The following VRK1 variants were observed in gnomAD, a reference collection of about 807,000 sequenced individuals.
VRK1 encodes VRK serine/threonine kinase 1.
Under a neutral mutation model 57.1 loss-of-function variants are expected in VRK1, and 33 were observed. The ratio of observed to expected loss-of-function variants is 0.58; its 90% confidence interval spans 0.44 to 0.77. The LOEUF (loss-of-function observed/expected upper bound fraction) is 0.77. VRK1 is among the 30% of genes least tolerant of loss of function. The pLI is 0.00. For missense variants in VRK1, 413 were observed against 477.3 expected, an observed-to-expected ratio of 0.87 and a Z score of 1.25; for synonymous variants, 137 against 147.8, an observed-to-expected ratio of 0.93 and a Z score of 0.53.
chr14:96,816,176 C>T (rs902240678), intron 1 of VRK1, among the ~76,000 whole-genome samples: 1 of 152,064 alleles, frequency 6.6e-6, no homozygotes, highest in Admixed American at 6.6e-5. Flanking sequence ...AATGAGCAGC[C>T]CCTGATGTTC....
At chr14:96,867,465 G>GTC in intron 11 of VRK1, among the ~76,000 whole-genome samples, 1 of 119,826 alleles carries the variant, frequency 8.3e-6, no homozygotes, top group East Asian at 2.0e-4. Flanking sequence ...AAGTGTGTGT[G>GTC]TGTGTGTGTG....
At chr14:96,827,618 C>A (rs1886849972) in intron 1 of VRK1, among the ~76,000 whole-genome samples, 1 of 152,146 alleles carries the variant, frequency 6.6e-6, no homozygotes, top group Non-Finnish European at 1.5e-5. Flanking sequence ...CTTTCTTGGG[C>A]ACTCTCCCTT....
At position 96,852,834 on chromosome 14, in the gene VRK1, C is replaced by A; in HGVS notation, c.378C>A (p.Tyr126Ter). The change falls in exon 6 of 13, where the codon TAC (tyrosine) becomes TAA (stop). Residue 126 changes from tyrosine to a stop codon, truncating the protein, a stop_gained. Transcript: ENST00000216639. LOFTEE classifies it high-confidence loss of function. Reference protein sequence around the residue: ...SGLHDKNGKSYRFMIMDRFGS... With the variant: ...SGLHDKNGKS ...GGCTTTTCATATTTGTCTTCAGTTA[C>A]AGGTTTATGATAATGGATCGCTTTG... 6.2e-7 allele frequency: 1 copy of A among 1,613,096 alleles called. No individual in the cohort carries two copies. Among genetic ancestry groups the A allele is most frequent in the Middle Eastern group, 1.7e-4 (1 of 6,054 alleles).
At chr14:96,823,027 T>C (rs1022893629) in intron 1 of VRK1, among the ~76,000 whole-genome samples, 1 of 152,176 alleles carries the variant, frequency 6.6e-6, no homozygotes, top group Non-Finnish European at 1.5e-5. Flanking sequence ...ATGGTCCTCT[T>C]CCTCAACTCC....
At position 96,860,599 on chromosome 14, in the gene VRK1, A is replaced by G; in HGVS notation, c.932A>G (p.Tyr311Cys). The G allele has an allele frequency of 1.9e-6, 3 of 1,613,142 alleles. No homozygotes were observed. The highest frequency in any genetic ancestry group is 2.5e-6 in the Non-Finnish European group (3 of 1,179,406). The change falls in exon 11 of 13, where the codon TAC (tyrosine) becomes TGC (cysteine). Residue 311 changes from tyrosine (Y) to cysteine (C), a missense_variant. Physicochemically the swap from Tyr to Cys is radical, Grantham distance 194 (BLOSUM62 -2). Coordinates refer to ENST00000216639, the MANE Select transcript of VRK1 (RefSeq NM_003384.3). ...KYMETVKLLD[Y>C]TEKPLYENLR... is the part of the protein sequence containing the mutation. ...ATGGAAACAGTGAAATTACTAGACTACACTGAAAAACCTCTTTATGAAAAT... is the reference window on the plus strand; with the variant it reads ...ATGGAAACAGTGAAATTACTAGACTGCACTGAAAAACCTCTTTATGAAAAT...
At chr14:96,847,492 G>A in intron 5 of VRK1, 148 bp downstream of exon 5, 2 of 701,718 alleles carry the variant, frequency 2.9e-6, no homozygotes, top group Non-Finnish European at 5.1e-6. Flanking sequence ...AGAGGAATAA[G>A]ATGTTATCTC....
At chr14:96,812,518 T>A (rs1328455714) in intron 1 of VRK1, among the ~76,000 whole-genome samples, 1 of 152,186 alleles carries the variant, frequency 6.6e-6, no homozygotes, top group African/African-American at 2.4e-5. Flanking sequence ...AGCATCTTTT[T>A]GTTTGCTTGT....
At chr14:96,820,847 A>G (rs577041872) in intron 1 of VRK1, among the ~76,000 whole-genome samples, 1 of 152,298 alleles carries the variant, frequency 6.6e-6, no homozygotes, top group East Asian at 1.9e-4. Context: ...ATGGATCGTT[A>G]GGCATTTGGC....
intron 1 of VRK1, among the ~76,000 whole-genome samples, chr14:96,830,843 A>G (rs1178220130): frequency 1.3e-5 from 2 of 152,214 alleles, no homozygotes; most frequent in Non-Finnish European, 2.9e-5. Flanking sequence ...AGGCTAACTT[A>G]TAGATCCACT....
chr14:96,857,703 G>C (rs1465766411), intron 10 of VRK1, among the ~76,000 whole-genome samples: 1 of 152,176 alleles, frequency 6.6e-6, no homozygotes, highest in Non-Finnish European at 1.5e-5. Flanking sequence ...GATATATTCA[G>C]AAGTCTTTCT....
intron 11 of VRK1, among the ~76,000 whole-genome samples, chr14:96,869,333 C>T (rs1296924126): frequency 6.6e-6 from 1 of 152,100 alleles, no homozygotes. Flanking sequence ...TAACATGGAA[C>T]GTTTTCATTT....
chr14:96,833,708 G>A, intron 2 of VRK1, 77 bp downstream of exon 2: 3 of 1,596,110 alleles, frequency 1.9e-6, no homozygotes, highest in East Asian at 2.2e-5. Context: ...TCATTTATGA[G>A]CTGTTATGGG....
At chr14:96,877,781 A>C in intron 12 of VRK1, 1 of 680,774 alleles carries the variant, frequency 1.5e-6, no homozygotes, top group Non-Finnish European at 1.8e-6. Flanking sequence ...ATCATTTGTT[A>C]CCTGAACTTT....
At chr14:96,808,541 TG>T (rs1886007737) in intron 1 of VRK1, among the ~76,000 whole-genome samples, 1 of 152,264 alleles carries the variant, frequency 6.6e-6, no homozygotes, top group Non-Finnish European at 1.5e-5. Context: ...CCAGATTATG[TG>T]GGGATATCTT....
intron 1 of VRK1, among the ~76,000 whole-genome samples, chr14:96,824,848 T>G (rs917623701): frequency 6.6e-6 from 1 of 151,916 alleles, no homozygotes; most frequent in Admixed American, 6.6e-5. Flanking sequence ...AGAGACGGGA[T>G]TTCACCATGT....
intron 2 of VRK1, among the ~76,000 whole-genome samples, chr14:96,834,506 A>T (rs77110198): frequency 0.011 from 1,624 of 152,244 alleles, 24 homozygotes; most frequent in South Asian, 0.056. Flanking sequence ...GGTGATTCTG[A>T]TGCATGTTGA....
chr14:96,846,714 GAAAA>G (rs781778346), intron 4 of VRK1, among the ~76,000 whole-genome samples: 2 of 103,800 alleles, frequency 1.9e-5, no homozygotes, highest in African/African-American at 6.5e-5. Context: ...AAATATTCCA[GAAAA>G]AAAAAAAAGC....
At chr14:96,837,330 G>A (rs934644213) in intron 2 of VRK1, among the ~76,000 whole-genome samples, 1 of 152,132 alleles carries the variant, frequency 6.6e-6, no homozygotes, top group Admixed American at 6.5e-5. Flanking sequence ...CTAAACTAGT[G>A]CTTTTTAGAA....
intron 1 of VRK1, among the ~76,000 whole-genome samples, chr14:96,812,330 A>G (rs115984324): frequency 1.3e-5 from 2 of 152,166 alleles, no homozygotes; most frequent in South Asian, 4.1e-4. Context: ...GGGACTACCA[A>G]ACTTTCCCAA....
Sources: allele counts gnomAD v4.1 joint callset (sites outside exome capture counted in the v4.1 genomes callset), GRCh38; gene constraint gnomAD v4.1.1; transcripts MANE v1.5; gene names NCBI Gene and HGNC (gene_info 2026-07-23, HGNC 2026-07-21).